Variants in SPMIP2 observed in about 807,000 individuals in gnomAD.
SPMIP2 encodes the protein protein SPMIP2.
chr4:158,998,777 T>C, the SPMIP2 span, among the ~76,000 whole-genome samples: 1 of 152,144 alleles, frequency 6.6e-6, no homozygotes, highest in Middle Eastern at 3.2e-3. Context: ...TGAGTAATGA[T>C]GGTAATTATG....
At chr4:158,938,454 A>G in the SPMIP2 span, among the ~76,000 whole-genome samples, 8 of 152,196 alleles carry the variant, frequency 5.3e-5, 1 homozygote, top group South Asian at 1.0e-3. Context: ...TTTCATAGGA[A>G]TACAACCACT....
At chr4:158,969,472 A>G in the SPMIP2 span, among the ~76,000 whole-genome samples, 1 of 152,194 alleles carries the variant, frequency 6.6e-6, no homozygotes, top group Admixed American at 6.5e-5. Context: ...TACATTTATT[A>G]TTATTGCATT....
the SPMIP2 span, among the ~76,000 whole-genome samples, chr4:159,041,589 A>C: frequency 6.6e-6 from 1 of 152,180 alleles, no homozygotes; most frequent in Non-Finnish European, 1.5e-5. Context: ...AAAAAACCCC[A>C]ACACTCCTGA....
the SPMIP2 span, among the ~76,000 whole-genome samples, chr4:159,023,299 C>T: frequency 6.6e-6 from 1 of 152,006 alleles, no homozygotes; most frequent in African/African-American, 2.4e-5. Context: ...GGAAAAATGG[C>T]AAATTTGTGC....
chr4:159,014,686 A>C, the SPMIP2 span, among the ~76,000 whole-genome samples: 1 of 152,148 alleles, frequency 6.6e-6, no homozygotes, highest in Non-Finnish European at 1.5e-5. Context: ...TGGCTTTTCC[A>C]ATGTGTCAGA....
At chr4:158,917,654 C>T in the SPMIP2 span, among the ~76,000 whole-genome samples, 1 of 151,576 alleles carries the variant, frequency 6.6e-6, no homozygotes, top group African/African-American at 2.4e-5. Context: ...TTAAACATCA[C>T]CTTTTCCCTG....
the SPMIP2 span, among the ~76,000 whole-genome samples, chr4:159,020,022 A>G: frequency 6.6e-6 from 1 of 152,028 alleles, no homozygotes. Context: ...CAGGAGGCTG[A>G]GGCAGGAAAA....
At chr4:159,026,416 T>A in the SPMIP2 span, 6 of 991,012 alleles carry the variant, frequency 6.1e-6, no homozygotes, top group Non-Finnish European at 9.3e-6. Flanking sequence ...GCATCAGGAG[T>A]GGGATGGGAA....
chr4:158,972,936 C>T, the SPMIP2 span: 1 of 623,556 alleles, frequency 1.6e-6, no homozygotes, highest in Admixed American at 3.0e-5. Flanking sequence ...CATTTATTCA[C>T]ACATGTGTCT....
chr4:159,008,090 A>G, the SPMIP2 span, among the ~76,000 whole-genome samples: 1 of 152,130 alleles, frequency 6.6e-6, no homozygotes, highest in Non-Finnish European at 1.5e-5. Flanking sequence ...AAGTAGATAC[A>G]GTACAAAATT....
the SPMIP2 span, among the ~76,000 whole-genome samples, chr4:158,928,143 C>T: frequency 1.3e-5 from 2 of 152,232 alleles, no homozygotes; most frequent in Non-Finnish European, 2.9e-5. Flanking sequence ...GTGGGATCCA[C>T]TGGATGAAGC....
At chr4:158,973,109 T>G in the SPMIP2 span, 4 of 1,604,560 alleles carry the variant, frequency 2.5e-6, no homozygotes, top group African/African-American at 4.0e-5. Flanking sequence ...CCAGTCTTGA[T>G]TTGTTGATAA....
At chr4:159,045,679 T>C in the SPMIP2 span, among the ~76,000 whole-genome samples, 1 of 152,234 alleles carries the variant, frequency 6.6e-6, no homozygotes, top group Admixed American at 6.5e-5. Context: ...TGTTGCTACA[T>C]AACAAATTAC....
chr4:159,060,823 G>A, the SPMIP2 span, among the ~76,000 whole-genome samples: 1 of 152,116 alleles, frequency 6.6e-6, no homozygotes, highest in African/African-American at 2.4e-5. Flanking sequence ...CGTGGCTCCC[G>A]CCTATAGTGC....
the SPMIP2 span, among the ~76,000 whole-genome samples, chr4:158,946,805 C>G: frequency 6.6e-6 from 1 of 152,222 alleles, no homozygotes; most frequent in African/African-American, 2.4e-5. Flanking sequence ...TAGGCTGTTT[C>G]TATCCCATCT....
At chr4:159,012,850 G>A in the SPMIP2 span, among the ~76,000 whole-genome samples, 1 of 151,306 alleles carries the variant, frequency 6.6e-6, no homozygotes, top group Admixed American at 6.6e-5. Flanking sequence ...AGGGATTATA[G>A]GCATGAGCCA....
the SPMIP2 span, among the ~76,000 whole-genome samples, chr4:158,952,421 G>T: frequency 1.3e-5 from 2 of 152,156 alleles, no homozygotes; most frequent in African/African-American, 4.8e-5. Context: ...TTCCACTTCT[G>T]CATCTTCCTC....
chr4:159,074,370 C>G, the SPMIP2 span, among the ~76,000 whole-genome samples: 4,370 of 152,208 alleles, frequency 0.029, 99 homozygotes, highest in Admixed American at 0.051. Context: ...TCAGGACCCT[C>G]TCCTTGGCAC....
At chr4:159,033,417 T>C in the SPMIP2 span, among the ~76,000 whole-genome samples, 3 of 152,236 alleles carry the variant, frequency 2.0e-5, no homozygotes, top group East Asian at 5.8e-4. Context: ...CCCCATATAT[T>C]TAATAGCATA....
Sources: gnomAD v4.1 joint callset for allele counts (sites outside exome capture counted in the v4.1 genomes callset) on GRCh38, gnomAD v4.1.1 for gene constraint, MANE v1.5 for transcripts, NCBI Gene and HGNC (gene_info 2026-07-23, HGNC 2026-07-21) for gene names.